IQGAP3: variants seen among roughly 807,000 people sequenced by gnomAD.
IQGAP3 encodes ras GTPase-activating-like protein IQGAP3.
A neutral mutation model predicts 208.2 loss-of-function variants in IQGAP3; 165 were observed. The ratio of observed to expected loss-of-function variants is 0.79; its 90% confidence interval spans 0.70 to 0.90. The LOEUF is 0.90. Among genes scored for constraint, IQGAP3 ranks in the 40% least tolerant of loss-of-function variants. IQGAP3 has a pLI of 0.00. For synonymous variants in IQGAP3, 703 were observed against 803.6 expected (o/e 0.87, Z 2.12); for missense variants, 1,811 against 2,043.1 (o/e 0.89, Z 2.19).
At chr1:156,553,329 C>CTTCA in intron 13 of IQGAP3, among the ~76,000 whole-genome samples, 1 of 152,326 alleles carries the variant, frequency 6.6e-6, no homozygotes, top group Admixed American at 6.5e-5. Flanking sequence ...TTCTTCCTTA[C>CTTCA]TTCACTCCAC....
rs765799237 is a variant in IQGAP3, at chr1:156,533,052, AG to A, written c.4030del (p.Leu1344Ter). 242 of 1,614,028 alleles carry A rather than the reference AG, an allele frequency of 1.5e-4. No individual in the cohort carries two copies. Among genetic ancestry groups the A allele is most frequent in the Non-Finnish European group, 2.0e-4 (232 of 1,180,014 alleles). ...HTDLSKLEVS[L>X]TLTNKFEGLE... The stretch of plus-strand genomic sequence containing the variant: ...TCCTTCAAACTTGTTGGTCAGCGTC[AG>A]GGACACTTCTAGCTTGCTCAGGTCC... On this transcript the variant is annotated frameshift_variant, in exon 32 of 38. Transcript: ENST00000361170. LOFTEE classifies it high-confidence loss of function.
chr1:156,544,293 G>A, intron 20 of IQGAP3, 70 bp from the exon 21 acceptor site: 1 of 1,577,316 alleles, frequency 6.3e-7, no homozygotes, highest in African/African-American at 1.3e-5. Context: ...GGCCAATTCA[G>A]CTAAATCTAG....
rs145407854 is a variant in IQGAP3, at chr1:156,539,774, G to A, written c.2892+64C>T. ...ATGGTGCCAAACGCACAGACAAGAA[G>A]GCCTTGAAGTCTCAGACCCTCAGGA... On this transcript the variant is annotated intron_variant, in intron 24 of 37. Coordinates refer to ENST00000361170, the MANE Select transcript of IQGAP3 (RefSeq NM_178229.5). 3.0e-4 allele frequency: 472 copies of A among 1,567,036 alleles called. 2 individuals carry two copies. In the African/African-American group the frequency reaches 5.6e-3, roughly 19 times the overall value.
intron 14 of IQGAP3, 25 bp from the exon 15 acceptor site, chr1:156,551,893 C>A (rs752088420): frequency 6.3e-7 from 1 of 1,597,014 alleles, no homozygotes; most frequent in Admixed American, 1.7e-5. Flanking sequence ...TCTAGGTGGG[C>A]AGGGGGCCCC....
chr1:156,571,779 G>C (rs1246916973), intron 1 of IQGAP3, among the ~76,000 whole-genome samples: 1 of 152,186 alleles, frequency 6.6e-6, no homozygotes, highest in Non-Finnish European at 1.5e-5. Context: ...AATCCTAATA[G>C]AAAGGAAGGG....
At chr1:156,548,871 G>C (rs926939804) in intron 16 of IQGAP3, 123 bp from the exon 17 acceptor site, 1 of 955,562 alleles carries the variant, frequency 1.0e-6, no homozygotes, top group Non-Finnish European at 1.5e-6. Flanking sequence ...TGAAGGAGTA[G>C]ACGGGAACAT....
intron 9 of IQGAP3, among the ~76,000 whole-genome samples, chr1:156,562,300 C>T (rs1047303714): frequency 6.6e-6 from 1 of 151,354 alleles, no homozygotes; most frequent in African/African-American, 2.4e-5. Flanking sequence ...CTCCACATTG[C>T]CCCTCTCGAA....
chr1:156,534,696 G>T lies in IQGAP3; in HGVS notation c.3545C>A (p.Pro1182Gln). 6.2e-7 allele frequency: 1 copy of T among 1,607,074 alleles called. No homozygotes were observed. Residue 1182 changes from proline (P) to glutamine (Q), a missense_variant, in exon 29 of 38, where the codon CCA becomes CAA. Coordinates refer to ENST00000361170, the MANE Select transcript of IQGAP3 (RefSeq NM_178229.5). ...GNLLYYRFLN[P>Q]AVVAPDAFDI... is the part of the protein sequence containing the mutation. Reference sequence around the variant, plus strand: ...GAAGGCGTCAGGAGCCACCACAGCTGGGTTCAGGAAGCGGTAGTACAGGAG... The same window carrying T: ...GAAGGCGTCAGGAGCCACCACAGCTTGGTTCAGGAAGCGGTAGTACAGGAG...
chr1:156,529,735 A>G (rs1014820171), intron 34 of IQGAP3, among the ~76,000 whole-genome samples: 4 of 152,078 alleles, frequency 2.6e-5, no homozygotes, highest in African/African-American at 9.7e-5. Flanking sequence ...CCAGGCCAAC[A>G]TGGCCTGAAA....
chr1:156,526,136 G>A lies in IQGAP3; in HGVS notation c.*350C>T. The A allele has an allele frequency of 4.5e-6, 1 of 220,698 alleles. No homozygotes were observed. Among genetic ancestry groups the A allele is most frequent in the South Asian group, 8.9e-5 (1 of 11,230 alleles). The allele number at this position is 220,698 out of a possible 1,614,324, so 13.7% of individuals were successfully genotyped here. A position where few individuals can be genotyped will look rare whatever the true frequency, so the allele number is the denominator to read the frequency against. ...GCAGAGGGGAAATCAAGCCGCTGGG[G>A]CAGTGCTTGTAATATTGGGGTGACT... On this transcript the variant is annotated 3_prime_UTR_variant, in exon 38 of 38. Transcript: ENST00000361170.
At chr1:156,552,218 TC>T in intron 13 of IQGAP3, 123 bp from the exon 14 acceptor site, 1 of 1,217,588 alleles carries the variant, frequency 8.2e-7, no homozygotes, top group South Asian at 1.5e-5. Flanking sequence ...TTAGTTCTCT[TC>T]TTGCCTCACA....
chr1:156,534,159 A>G lies in IQGAP3; in HGVS notation c.3741-18T>C. On this transcript the variant is annotated intron_variant, in intron 29 of 37. Coordinates refer to ENST00000361170, the MANE Select transcript of IQGAP3 (RefSeq NM_178229.5). ...TGAACTTCCTGTCCAGAGGGCGGGC[A>G]TGTGAGAGAGCGGGGAGGGCCAGCA... The G allele has an allele frequency of 6.2e-7, 1 of 1,612,478 alleles. No homozygotes were observed. Among genetic ancestry groups the G allele is most frequent in the Non-Finnish European group, 8.5e-7 (1 of 1,179,994 alleles).
chr1:156,563,124 T>A lies in IQGAP3; in HGVS notation c.798+10A>T. The A allele has an allele frequency of 6.4e-7, 1 of 1,574,292 alleles. No homozygotes were observed. Among genetic ancestry groups the A allele is most frequent in the East Asian group, 2.3e-5 (1 of 44,070 alleles). On this transcript the variant is annotated intron_variant, in intron 8 of 37. Coordinates refer to ENST00000361170, the MANE Select transcript of IQGAP3 (RefSeq NM_178229.5). ...CTTTTCGGTCCCTGCAACCCAAGAC[T>A]ACTCCTTACATGGTTCCTGGCATTG...
chr1:156,535,852 G>A (rs1477780970), intron 27 of IQGAP3, among the ~76,000 whole-genome samples: 2 of 152,170 alleles, frequency 1.3e-5, no homozygotes, highest in African/African-American at 4.8e-5. Flanking sequence ...CCCTGGTCTA[G>A]AAAATGGGAA....
At chr1:156,538,486 G>A (rs549888026) in intron 26 of IQGAP3, among the ~76,000 whole-genome samples, 12 of 152,266 alleles carry the variant, frequency 7.9e-5, no homozygotes, top group East Asian at 1.9e-4. Context: ...CACTATGTCC[G>A]GCCCTACTAC....
At chr1:156,544,497 G>T (rs373103049) in intron 19 of IQGAP3, 25 bp from the exon 20 acceptor site, 47 of 1,596,868 alleles carry the variant, frequency 2.9e-5, no homozygotes, top group Non-Finnish European at 4.0e-5. Context: ...AGAAAGGGAA[G>T]TAACTCAAGC....
At chr1:156,547,416 C>CAG (rs1472641469) in intron 19 of IQGAP3, among the ~76,000 whole-genome samples, 1 of 151,510 alleles carries the variant, frequency 6.6e-6, no homozygotes, top group African/African-American at 2.4e-5. Context: ...CACACACACA[C>CAG]ACACACACAG....
At chr1:156,569,227 CAA>C (rs11332475) in intron 2 of IQGAP3, 147 bp downstream of exon 2, 11,236 of 359,714 alleles carry the variant, frequency 0.031, 7 homozygotes, top group South Asian at 0.053. Context: ...GGATTTGCTT[CAA>C]AAAAAAAAAA....
At chr1:156,531,929 G>T (rs1674428266) in intron 32 of IQGAP3, among the ~76,000 whole-genome samples, 2 of 152,160 alleles carry the variant, frequency 1.3e-5, no homozygotes, top group South Asian at 4.2e-4. Flanking sequence ...TTGAGTGAAT[G>T]AGTGGGTGCA....
Sources: gnomAD v4.1 joint callset for allele counts (sites outside exome capture counted in the v4.1 genomes callset) on GRCh38, gnomAD v4.1.1 for gene constraint, MANE v1.5 for transcripts, NCBI Gene and HGNC (gene_info 2026-07-23, HGNC 2026-07-21) for gene names.